Variants in TMEM62 observed in about 807,000 individuals in gnomAD.
TMEM62 encodes transmembrane protein 62.
A neutral mutation model predicts 70.4 loss-of-function variants in TMEM62; 41 were observed. The observed-to-expected ratio is 0.58, with a 90% confidence interval of 0.45 to 0.76. The LOEUF (loss-of-function observed/expected upper bound fraction) is 0.76, where lower values mean the gene tolerates loss of function less well. Ranked by LOEUF, TMEM62 falls within the 30% of genes least tolerant of loss-of-function variation. TMEM62 has a pLI of 0.00. For missense variants in TMEM62, 688 were observed against 788.5 expected (o/e 0.87, Z 1.53); for synonymous variants, 268 against 291.0 (o/e 0.92, Z 0.80).
At chr15:43,174,892 C>T in intron 11 of TMEM62, among the ~76,000 whole-genome samples, 1 of 152,172 alleles carries the variant, frequency 6.6e-6, no homozygotes, top group Admixed American at 6.5e-5. Flanking sequence ...TTTTAAAGCT[C>T]CCTGGATGAT....
At chr15:43,143,871 T>G (rs2036360418) in intron 4 of TMEM62, among the ~76,000 whole-genome samples, 1 of 152,240 alleles carries the variant, frequency 6.6e-6, no homozygotes, top group Admixed American at 6.5e-5. Flanking sequence ...CAATCAATCA[T>G]GTAGCAAATA....
intron 4 of TMEM62, among the ~76,000 whole-genome samples, chr15:43,140,969 C>T (rs1488781128): frequency 2.6e-5 from 4 of 152,320 alleles, no homozygotes; most frequent in South Asian, 2.1e-4. Context: ...AGTCAGGGCC[C>T]GCTGGAGACT....
At chr15:43,134,427 C>G (rs2141425578) in intron 2 of TMEM62, 59 bp downstream of exon 2, 1 of 1,381,374 alleles carries the variant, frequency 7.2e-7, no homozygotes, top group East Asian at 2.3e-5. Context: ...GAACTCTAGC[C>G]AGGGCTGTGG....
At chr15:43,160,609 T>G in intron 9 of TMEM62, 72 bp from the exon 10 acceptor site, 1 of 762,012 alleles carries the variant, frequency 1.3e-6, no homozygotes. Flanking sequence ...AAACCTATTC[T>G]TATTTTAATT....
intron 4 of TMEM62, among the ~76,000 whole-genome samples, chr15:43,141,812 A>ACC (rs2036055376): frequency 1.3e-5 from 2 of 152,312 alleles, no homozygotes; most frequent in Admixed American, 6.5e-5. Flanking sequence ...GTTGATTCCA[A>ACC]CCCTCATGGA....
chr15:43,165,985 A>T (rs920053990), intron 10 of TMEM62, among the ~76,000 whole-genome samples: 4 of 152,170 alleles, frequency 2.6e-5, no homozygotes, highest in Non-Finnish European at 4.4e-5. Context: ...GATGTTTGTC[A>T]GTGTCTGGGC....
At chr15:43,134,909 G>A (rs1471092023) in intron 2 of TMEM62, among the ~76,000 whole-genome samples, 3 of 152,148 alleles carry the variant, frequency 2.0e-5, no homozygotes, top group Non-Finnish European at 4.4e-5. Flanking sequence ...GAAGCTAAAG[G>A]AGCATCTATC....
intron 10 of TMEM62, 66 bp from the exon 11 acceptor site, chr15:43,169,527 C>A: frequency 7.2e-7 from 1 of 1,398,130 alleles, no homozygotes; most frequent in Non-Finnish European, 1.0e-6. Context: ...AATAAGGCTA[C>A]TTTAAAAATC....
At chr15:43,175,508 G>A (rs2040624986) in intron 11 of TMEM62, among the ~76,000 whole-genome samples, 1 of 152,202 alleles carries the variant, frequency 6.6e-6, no homozygotes, top group Admixed American at 6.5e-5. Flanking sequence ...GACATGGCTG[G>A]TTGGGGCTGA....
chr15:43,146,663 A>T, intron 5 of TMEM62, 29 bp downstream of exon 5: 1 of 1,575,860 alleles, frequency 6.3e-7, no homozygotes, highest in East Asian at 2.2e-5. Context: ...TTCCCTTTGT[A>T]GCTTACTTAT....
chr15:43,158,529 C>A (rs2038306920), intron 9 of TMEM62, among the ~76,000 whole-genome samples: 1 of 152,334 alleles, frequency 6.6e-6, no homozygotes, highest in Non-Finnish European at 1.5e-5. Context: ...CCAGCTCCAG[C>A]ACACTGCTGG....
At chr15:43,159,506 G>A (rs188204647) in intron 9 of TMEM62, among the ~76,000 whole-genome samples, 2 of 152,128 alleles carry the variant, frequency 1.3e-5, no homozygotes, top group Non-Finnish European at 2.9e-5. Context: ...TTGTCTTTCT[G>A]TCCCTGGCTT....
At chr15:43,159,534 G>C (rs560672690) in intron 9 of TMEM62, among the ~76,000 whole-genome samples, 1 of 152,244 alleles carries the variant, frequency 6.6e-6, no homozygotes, top group African/African-American at 2.4e-5. Context: ...TTAACATAGT[G>C]GTCTCCAGTT....
chr15:43,179,445 G>C (rs1567243811), intron 12 of TMEM62, among the ~76,000 whole-genome samples: 1 of 152,024 alleles, frequency 6.6e-6, no homozygotes, highest in African/African-American at 2.4e-5. Context: ...AGTCAACAAG[G>C]GACCACATAT....
chr15:43,138,735 C>T (rs1024523174), intron 4 of TMEM62, 116 bp downstream of exon 4: 25 of 866,658 alleles, frequency 2.9e-5, no homozygotes, highest in African/African-American at 2.5e-4. Flanking sequence ...GCAGGGGTCT[C>T]GCTATTTTGC....
chr15:43,143,313 T>G (rs992624584), intron 4 of TMEM62, among the ~76,000 whole-genome samples: 23 of 152,208 alleles, frequency 1.5e-4, no homozygotes, highest in African/African-American at 5.5e-4. Context: ...CTGCCTGCCT[T>G]GGCCTCCAAA....
At position 43,184,593 on chromosome 15, in the gene TMEM62, T is replaced by C. The variant is rs781240432; in HGVS notation, c.*7T>C. The C allele has an allele frequency of 6.2e-7, 1 of 1,606,038 alleles. No individual in the cohort carries two copies. Among genetic ancestry groups the C allele is most frequent in the South Asian group, 1.1e-5 (1 of 91,050 alleles). On this transcript the variant is annotated 3_prime_UTR_variant, in exon 14 of 14. Transcript: ENST00000260403. The stretch of plus-strand genomic sequence containing the variant: ...AAGCCACCTGAGCTCCTGAAGGCCA[T>C]GTCTCACCACTGGCAGCTGGGCAGA...
chr15:43,140,933 T>C (rs573144387), intron 4 of TMEM62, among the ~76,000 whole-genome samples: 1 of 152,204 alleles, frequency 6.6e-6, no homozygotes, highest in African/African-American at 2.4e-5. Flanking sequence ...GAAGAAAGCT[T>C]GCAGCAGTTC....
chr15:43,133,735 C>T lies in TMEM62; in HGVS notation c.-68C>T. The T allele has an allele frequency of 3.5e-5, 40 of 1,143,402 alleles. No homozygotes were observed. The highest frequency in any genetic ancestry group is 4.4e-5 in the Non-Finnish European group (39 of 893,038). 70.8% of individuals were successfully genotyped at this position (1,143,402 alleles called of 1,614,324 possible). A position where few individuals can be genotyped will look rare whatever the true frequency, so the allele number is the denominator to read the frequency against. On this transcript the variant is annotated 5_prime_UTR_variant, in exon 1 of 14. Coordinates refer to ENST00000260403, the MANE Select transcript of TMEM62 (RefSeq NM_024956.4). ...ATAGAGTCCGGAAGTGCAGGCAAAG[C>T]GGCTCCCGGGAGCGCCGCGCGGTCC...
Sources: gnomAD v4.1 joint callset for allele counts (sites outside exome capture counted in the v4.1 genomes callset) on GRCh38, gnomAD v4.1.1 for gene constraint, MANE v1.5 for transcripts, NCBI Gene and HGNC (gene_info 2026-07-23, HGNC 2026-07-21) for gene names.